CHN2: variants seen among roughly 807,000 people sequenced by gnomAD.
CHN2 encodes the protein beta-chimaerin.
A neutral mutation model predicts 56.3 loss-of-function variants in CHN2; 35 were observed. That is an observed-to-expected ratio of 0.62 (90% confidence interval 0.47 to 0.82). The LOEUF is 0.82. Ranked by LOEUF, CHN2 falls within the 40% of genes least tolerant of loss-of-function variation. CHN2 has a pLI of 0.00. For synonymous variants in CHN2, 210 were observed against 212.8 expected (o/e 0.99, Z 0.12); for missense variants, 491 against 580.5 (o/e 0.85, Z 1.58).
intron 2 of CHN2, among the ~76,000 whole-genome samples, chr7:29,183,152 T>C (rs1798277527): frequency 6.6e-6 from 1 of 151,064 alleles, no homozygotes; most frequent in Admixed American, 6.6e-5. Flanking sequence ...CGGCGCAATC[T>C]TGGCTCATTG....
chr7:29,231,123 G>A (rs911786171), intron 1 of CHN2, among the ~76,000 whole-genome samples: 25 of 152,332 alleles, frequency 1.6e-4, no homozygotes, highest in Admixed American at 9.2e-4. Flanking sequence ...TATATGGCAT[G>A]TGTCTGACCC....
chr7:29,313,734 CCTT>C (rs767112414), intron 1 of CHN2, among the ~76,000 whole-genome samples: 1 of 152,190 alleles, frequency 6.6e-6, no homozygotes. Context: ...CTTGTTTTCT[CCTT>C]CTTCTCCCCT....
At chr7:29,243,701 G>C (rs935034576) in intron 1 of CHN2, among the ~76,000 whole-genome samples, 1 of 152,214 alleles carries the variant, frequency 6.6e-6, no homozygotes, top group Non-Finnish European at 1.5e-5. Flanking sequence ...CAAATTAGAA[G>C]AGACAGACAA....
At chr7:29,333,474 G>A (rs916935414) in intron 1 of CHN2, among the ~76,000 whole-genome samples, 2 of 152,138 alleles carry the variant, frequency 1.3e-5, no homozygotes, top group African/African-American at 4.8e-5. Flanking sequence ...AGAAATTGGG[G>A]TCTCTTGAGG....
At chr7:29,499,062 CTG>C (rs1479521104) in intron 8 of CHN2, among the ~76,000 whole-genome samples, 3 of 152,142 alleles carry the variant, frequency 2.0e-5, no homozygotes, top group African/African-American at 4.8e-5. Flanking sequence ...GCCCGGCCAA[CTG>C]TGCCTTTTTA....
At chr7:29,184,373 G>C (rs1327791873) in intron 2 of CHN2, 3 of 151,882 alleles carry the variant, frequency 2.0e-5, no homozygotes, top group Admixed American at 2.0e-4. Flanking sequence ...ATATATGACT[G>C]TATGAGATAT....
chr7:29,146,818 C>T (rs73090825), intron 1 of CHN2: 23,974 of 1,550,414 alleles, frequency 0.015, 217 homozygotes, highest in Non-Finnish European at 0.018. Context: ...AAATTTCAAC[C>T]CTGTATTTTG....
At chr7:29,300,180 A>C (rs943948713) in intron 1 of CHN2, among the ~76,000 whole-genome samples, 1 of 152,224 alleles carries the variant, frequency 6.6e-6, no homozygotes, top group Non-Finnish European at 1.5e-5. Context: ...AACGTCTTAC[A>C]TGTCAAGCTA....
intron 1 of CHN2, among the ~76,000 whole-genome samples, chr7:29,349,923 T>A (rs2128921657): frequency 6.6e-6 from 1 of 152,340 alleles, no homozygotes; most frequent in South Asian, 2.1e-4. Context: ...TTGTCACTAT[T>A]TCCAGTACCT....
intron 8 of CHN2, 124 bp from the exon 9 acceptor site, chr7:29,499,743 T>C (rs2128576937): frequency 2.5e-6 from 2 of 800,910 alleles, no homozygotes; most frequent in Admixed American, 3.0e-5. Context: ...AGAAACGGGA[T>C]AGATGTTCCA....
chr7:29,356,318 CCA>C (rs139580240), intron 2 of CHN2, among the ~76,000 whole-genome samples: 1 of 151,746 alleles, frequency 6.6e-6, no homozygotes, highest in African/African-American at 2.4e-5. Flanking sequence ...ATACACACAG[CCA>C]CACACACACA....
rs554673010 is a variant in CHN2, at chr7:29,269,113, T to G, written c.49+74123T>G. On this transcript the variant is annotated intron_variant, in intron 1 of 12. Transcript: ENST00000222792. ...TATTTTGAAATAGGCAATAAATTAT[T>G]GTTAGTTATAGTCACTCTATTGTGC... is the stretch of plus-strand genomic sequence containing the variant. Among the ~76,000 whole-genome samples the G allele has an allele frequency of 2.0e-5, 3 of 152,292 alleles. No homozygotes were observed. In the South Asian group the frequency reaches 6.2e-4, roughly 32 times the overall value.
intron 3 of CHN2, among the ~76,000 whole-genome samples, chr7:29,379,627 C>A (rs772493339): frequency 6.6e-6 from 1 of 152,150 alleles, no homozygotes; most frequent in Admixed American, 6.6e-5. Context: ...AGTCTTTCAA[C>A]TTTTCTGTAT....
chr7:29,340,404 G>A (rs1319735964), intron 1 of CHN2, among the ~76,000 whole-genome samples: 1 of 151,694 alleles, frequency 6.6e-6, no homozygotes, highest in Non-Finnish European at 1.5e-5. Flanking sequence ...TTGCTTGGGG[G>A]GGGGCCTCAA....
chr7:29,494,121 T>C (rs1326072302), intron 7 of CHN2, among the ~76,000 whole-genome samples: 2 of 152,282 alleles, frequency 1.3e-5, no homozygotes, highest in South Asian at 2.1e-4. Flanking sequence ...ATGATCTCTG[T>C]CCCTTTCTCT....
chr7:29,335,435 A>G (rs948983941), intron 1 of CHN2, among the ~76,000 whole-genome samples: 6 of 152,256 alleles, frequency 3.9e-5, no homozygotes, highest in Non-Finnish European at 5.9e-5. Context: ...AGCTGTGGAC[A>G]TAGGAAGCTC....
rs546915888 is a variant in CHN2, at chr7:29,400,886, G to A, written c.576+58G>A. ...TTTAATCCATGCCGCATCAACAGGC[G>A]GGTTAACTATAGGTGCGATTTGCTG... On this transcript the variant is annotated intron_variant, in intron 6 of 12. Coordinates refer to ENST00000222792, the MANE Select transcript of CHN2 (RefSeq NM_004067.4). 9.1e-5 allele frequency: 142 copies of A among 1,554,664 alleles called. No individual in the cohort carries two copies. The African/African-American group carries it at 9.2e-4, about 10-fold the overall frequency.
intron 11 of CHN2, among the ~76,000 whole-genome samples, chr7:29,507,730 C>T (rs181893667): frequency 5.9e-4 from 86 of 146,466 alleles, no homozygotes; most frequent in African/African-American, 1.9e-3. Flanking sequence ...CCCTGGACCA[C>T]ATTGGAAGAA....
chr7:29,508,419 A>T (rs913243143), intron 11 of CHN2, among the ~76,000 whole-genome samples: 15 of 11,056 alleles, frequency 1.4e-3, no homozygotes, highest in African/African-American at 4.1e-3. Flanking sequence ...GTTTTTATTT[A>T]AAAAAAAAAA....
Sources: gnomAD v4.1 joint callset for allele counts (sites outside exome capture counted in the v4.1 genomes callset) on GRCh38, gnomAD v4.1.1 for gene constraint, MANE v1.5 for transcripts, NCBI Gene and HGNC (gene_info 2026-07-23, HGNC 2026-07-21) for gene names.